ITGBL1: variants seen among roughly 807,000 people sequenced by gnomAD.
The protein encoded by ITGBL1 is integrin beta-like protein 1.
ITGBL1 carries 51 observed loss-of-function variants against 68.5 expected under a neutral mutation model. That is an observed-to-expected ratio of 0.74 (90% CI 0.59 to 0.94). The LOEUF (loss-of-function observed/expected upper bound fraction) is 0.94. ITGBL1 is among the 40% of genes least tolerant of loss of function. The pLI is 0.00. For missense variants in ITGBL1, 649 were observed against 647.4 expected (o/e 1.00, Z -0.03); for synonymous variants, 209 against 227.3 (o/e 0.92, Z 0.72).
intron 6 of ITGBL1, among the ~76,000 whole-genome samples, chr13:101,587,475 A>T (rs1240109211): frequency 6.6e-6 from 1 of 152,110 alleles, no homozygotes; most frequent in Non-Finnish European, 1.5e-5. Context: ...GGGCATCCTG[A>T]CGTGTCCCGA....
intron 8 of ITGBL1, among the ~76,000 whole-genome samples, chr13:101,696,171 T>C (rs1270026191): frequency 2.0e-5 from 3 of 152,064 alleles, no homozygotes; most frequent in Non-Finnish European, 4.4e-5. Context: ...CTCCCATGGG[T>C]ATATCCTGGT....
intron 2 of ITGBL1, among the ~76,000 whole-genome samples, chr13:101,544,132 CT>C (rs1439526324): frequency 1.3e-5 from 2 of 152,114 alleles, no homozygotes; most frequent in African/African-American, 4.8e-5. Flanking sequence ...AGGTGCTCTG[CT>C]TTTTAGAGTT....
At chr13:101,628,737 G>A (rs1243295026) in intron 7 of ITGBL1, among the ~76,000 whole-genome samples, 4 of 150,902 alleles carry the variant, frequency 2.7e-5, no homozygotes, top group Non-Finnish European at 5.9e-5. Flanking sequence ...ACCACACCCA[G>A]CCCTCTCTTG....
intron 7 of ITGBL1, among the ~76,000 whole-genome samples, chr13:101,618,697 G>A (rs912364022): frequency 1.3e-5 from 2 of 152,078 alleles, no homozygotes; most frequent in South Asian, 2.1e-4. Flanking sequence ...CAACACACAC[G>A]TTTCTGCTTT....
chr13:101,524,134 T>G (rs1436469250), intron 2 of ITGBL1, among the ~76,000 whole-genome samples: 1 of 151,532 alleles, frequency 6.6e-6, no homozygotes, highest in African/African-American at 2.4e-5. Flanking sequence ...TTTTAATTTT[T>G]TTTTTTTTTT....
At chr13:101,671,348 G>T (rs984043874) in intron 7 of ITGBL1, among the ~76,000 whole-genome samples, 3 of 149,046 alleles carry the variant, frequency 2.0e-5, no homozygotes, top group Admixed American at 1.3e-4. Flanking sequence ...TACTTAAAAC[G>T]TTTCAGTTGC....
intron 3 of ITGBL1, among the ~76,000 whole-genome samples, chr13:101,568,447 G>T (rs919690370): frequency 2.0e-5 from 3 of 152,110 alleles, no homozygotes; most frequent in Non-Finnish European, 2.9e-5. Context: ...TTTAGCGAGT[G>T]TTACCGTAAT....
At position 101,455,995 on chromosome 13, in the gene ITGBL1, T is replaced by C. The variant is rs185399995; in HGVS notation, c.316+1895T>C. 2.7e-4 allele frequency among the ~76,000 whole-genome samples: 41 copies of C among 152,320 alleles called. No homozygotes were observed. In the South Asian group the frequency reaches 3.5e-3, roughly 13 times the overall value. On this transcript the variant is annotated intron_variant, in intron 2 of 10. Coordinates refer to ENST00000376180, the MANE Select transcript of ITGBL1 (RefSeq NM_004791.3). ...TTCCCTGTTGAAGAACCTAGGCTGG[T>C]GCTTTTCTCCGAGAAACTATGCAGA... is the stretch of plus-strand genomic sequence containing the variant.
intron 7 of ITGBL1, among the ~76,000 whole-genome samples, chr13:101,598,935 C>G (rs934247019): frequency 6.6e-6 from 1 of 152,040 alleles, no homozygotes; most frequent in Admixed American, 6.6e-5. Flanking sequence ...ATTTATAATC[C>G]CCTGGGTATA....
In ITGBL1 at chr13:101,452,937, T is replaced by C; in HGVS notation, c.98+6T>C. ...AGCTTCTCGCCATCTCTGAGGTAAG[T>C]TTGGTTTGTTATTCTTCAGTACAGA... is the stretch of plus-strand genomic sequence containing the variant. On this transcript the variant is annotated splice_donor_region_variant and intron_variant, in intron 1 of 10. Coordinates refer to ENST00000376180, the MANE Select transcript of ITGBL1 (RefSeq NM_004791.3). 6.2e-7 allele frequency: 1 copy of C among 1,613,208 alleles called. No individual in the cohort carries two copies. Among genetic ancestry groups the C allele is most frequent in the South Asian group, 1.1e-5 (1 of 91,064 alleles).
At chr13:101,594,198 T>A (rs2050704712) in intron 6 of ITGBL1, among the ~76,000 whole-genome samples, 1 of 152,176 alleles carries the variant, frequency 6.6e-6, no homozygotes, top group Middle Eastern at 3.4e-3. Context: ...AAAACTATAG[T>A]AATTAAAACA....
At chr13:101,632,143 C>CTA (rs1343579520) in intron 7 of ITGBL1, among the ~76,000 whole-genome samples, 19 of 148,668 alleles carry the variant, frequency 1.3e-4, no homozygotes, top group African/African-American at 2.1e-4. Context: ...CTCTCTCTCT[C>CTA]TCTCTCTATA....
intron 2 of ITGBL1, among the ~76,000 whole-genome samples, chr13:101,492,887 AACTTCCTC>A (rs1212884384): frequency 6.6e-6 from 1 of 152,144 alleles, no homozygotes; most frequent in East Asian, 1.9e-4. Context: ...AATAATCCTA[AACTTCCTC>A]ACTCCCTTTC....
chr13:101,653,694 GCTT>G (rs1053828573), intron 7 of ITGBL1, among the ~76,000 whole-genome samples: 42 of 148,300 alleles, frequency 2.8e-4, no homozygotes, highest in African/African-American at 9.9e-4. Context: ...GGTAGAGAAG[GCTT>G]CTTTTTTTTT....
chr13:101,715,248 T>C (rs2034664966), intron 10 of ITGBL1: 2 of 243,858 alleles, frequency 8.2e-6, no homozygotes, highest in East Asian at 1.9e-4. Context: ...TTTTTCTGTA[T>C]TTATTCATAA....
intron 3 of ITGBL1, among the ~76,000 whole-genome samples, chr13:101,574,966 T>G (rs2050332818): frequency 1.3e-5 from 2 of 152,182 alleles, no homozygotes; most frequent in African/African-American, 2.4e-5. Context: ...GATAATAAAT[T>G]ATTTCCACAA....
At chr13:101,575,241 C>T (rs1430099924) in intron 3 of ITGBL1, among the ~76,000 whole-genome samples, 183 bp from the exon 4 acceptor site, 2 of 152,094 alleles carry the variant, frequency 1.3e-5, no homozygotes, top group African/African-American at 4.8e-5. Context: ...ATATAATTGC[C>T]ATGCTAAAAT....
chr13:101,618,900 TGAAA>T (rs1170924324), intron 7 of ITGBL1, among the ~76,000 whole-genome samples: 3 of 152,110 alleles, frequency 2.0e-5, no homozygotes, highest in African/African-American at 4.8e-5. Flanking sequence ...TTTGCTTGGA[TGAAA>T]TGGTCAGGTT....
intron 2 of ITGBL1, among the ~76,000 whole-genome samples, chr13:101,502,398 A>T (rs185186747): frequency 1.0e-3 from 155 of 152,304 alleles, no homozygotes; most frequent in Non-Finnish European, 1.8e-3. Context: ...AGAGATCATT[A>T]TCTTGGTGCC....
Sources: gnomAD v4.1 joint callset for allele counts (sites outside exome capture counted in the v4.1 genomes callset) on GRCh38, gnomAD v4.1.1 for gene constraint, MANE v1.5 for transcripts, NCBI Gene and HGNC (gene_info 2026-07-23, HGNC 2026-07-21) for gene names.